The following PRUNE2 variants were observed in gnomAD, a reference collection of about 807,000 sequenced individuals.
PRUNE2 encodes the protein prune homolog 2 with BCH domain.
In PRUNE2, 164 loss-of-function variants were observed where a neutral mutation model predicts 252.0. The observed-to-expected ratio is 0.65, with a 90% CI of 0.57 to 0.74. The LOEUF is 0.74. Ranked by LOEUF, PRUNE2 falls within the 30% of genes least tolerant of loss-of-function variation. PRUNE2 has a pLI of 0.00. For synonymous variants in PRUNE2, 1,292 were observed against 1,350.2 expected (o/e 0.96, Z 0.94); for missense variants, 3,495 against 3,711.0 (o/e 0.94, Z 1.51).
intron 18 of PRUNE2, among the ~76,000 whole-genome samples, chr9:76,618,805 C>T (rs551303429): frequency 1.2e-4 from 19 of 152,292 alleles, no homozygotes; most frequent in East Asian, 1.9e-4. Context: ...TCAGACACTG[C>T]GTGTGAAGCT....
At chr9:76,738,009 T>G (rs2049230642) in intron 6 of PRUNE2, 2 of 152,244 alleles carry the variant, frequency 1.3e-5, no homozygotes, top group Admixed American at 1.3e-4. Flanking sequence ...ACATTTAAAT[T>G]AGGTAGTTTT....
chr9:76,774,450 C>CTTTTT (rs869289049), intron 6 of PRUNE2, among the ~76,000 whole-genome samples: 6 of 41,398 alleles, frequency 1.4e-4, no homozygotes, highest in Non-Finnish European at 1.9e-4. Context: ...CAGTTCAACC[C>CTTTTT]TTTTTTTTTT....
At chr9:76,634,470 T>G (rs949815275) in intron 15 of PRUNE2, among the ~76,000 whole-genome samples, 1 of 141,934 alleles carries the variant, frequency 7.0e-6, no homozygotes, top group African/African-American at 2.5e-5. Flanking sequence ...AAAGACTAGC[T>G]GAGTCTCAGC....
At chr9:76,670,774 A>AC (rs1334672471) in intron 9 of PRUNE2, among the ~76,000 whole-genome samples, 37 of 151,174 alleles carry the variant, frequency 2.4e-4, no homozygotes, top group East Asian at 1.8e-3. Flanking sequence ...ACTGGGAGGC[A>AC]CCCCCCAGCA....
In PRUNE2 at chr9:76,613,223, A is replaced by G. The variant is rs1044026886; in HGVS notation, c.*1347T>C. ...CTCATTTGTCCGTTCTGTTAGAGAA[A>G]CTATCTAAATACAAATTGGGGTGGA... On this transcript the variant is annotated 3_prime_UTR_variant, in exon 19 of 19. Coordinates refer to ENST00000376718, the MANE Select transcript of PRUNE2 (RefSeq NM_015225.3). The G allele has an allele frequency of 2.0e-5, 3 of 152,198 alleles. No homozygotes were observed. The highest frequency in any genetic ancestry group is 7.2e-5 in the African/African-American group (3 of 41,436). The allele number at this position is 152,198 out of a possible 1,614,324, so 9.4% of individuals were successfully genotyped here.
chr9:76,625,076 G>A (rs1461710671), intron 16 of PRUNE2: 13 of 1,300,492 alleles, frequency 1.0e-5, no homozygotes, highest in South Asian at 1.2e-5. Flanking sequence ...GATAAAAAAC[G>A]AGTGCCATAA....
chr9:76,773,953 G>C (rs1249552362), intron 6 of PRUNE2, among the ~76,000 whole-genome samples: 2 of 152,240 alleles, frequency 1.3e-5, no homozygotes, highest in African/African-American at 2.4e-5. Flanking sequence ...GAAGGAGCAA[G>C]TGAAAACTAA....
intron 6 of PRUNE2, among the ~76,000 whole-genome samples, chr9:76,734,416 G>A (rs1456954047): frequency 2.6e-5 from 4 of 152,156 alleles, no homozygotes; most frequent in African/African-American, 9.7e-5. Context: ...TCTCAAATGA[G>A]ACAGACTTCT....
At chr9:76,829,466 C>T (rs780338857) in intron 4 of PRUNE2, among the ~76,000 whole-genome samples, 1 of 152,170 alleles carries the variant, frequency 6.6e-6, no homozygotes, top group Non-Finnish European at 1.5e-5. Context: ...TGGAAAACTA[C>T]AGTCTGGAGA....
intron 13 of PRUNE2, 141 bp from the exon 14 acceptor site, chr9:76,637,690 A>T: frequency 1.5e-6 from 1 of 677,694 alleles, no homozygotes; most frequent in Non-Finnish European, 2.4e-6. Flanking sequence ...GAATACAATT[A>T]CCTAAGAGCA....
chr9:76,897,402 T>A (rs1241789828), intron 1 of PRUNE2, among the ~76,000 whole-genome samples: 3 of 100,032 alleles, frequency 3.0e-5, no homozygotes, highest in African/African-American at 1.1e-4. Flanking sequence ...TTTTTTTTTT[T>A]TTTTTTTTTT....
At chr9:76,863,708 A>T (rs978808802) in intron 1 of PRUNE2, among the ~76,000 whole-genome samples, 1 of 152,234 alleles carries the variant, frequency 6.6e-6, no homozygotes, top group African/African-American at 2.4e-5. Context: ...AAAATGTTGC[A>T]ACAATACACT....
At chr9:76,855,082 A>AATATATATATAT (rs1162386020) in intron 1 of PRUNE2, among the ~76,000 whole-genome samples, 7 of 109,400 alleles carry the variant, frequency 6.4e-5, no homozygotes, top group African/African-American at 1.9e-4. Context: ...AAAAAAAAAA[A>AATATATATATAT]ATATATATAT....
At chr9:76,668,201 C>T (rs2040571473) in intron 9 of PRUNE2, among the ~76,000 whole-genome samples, 1 of 152,124 alleles carries the variant, frequency 6.6e-6, no homozygotes, top group African/African-American at 2.4e-5. Context: ...AGAATACTCA[C>T]AGGTATATAC....
chr9:76,639,676 C>A (rs1841738704), intron 12 of PRUNE2, among the ~76,000 whole-genome samples: 7 of 152,106 alleles, frequency 4.6e-5, no homozygotes, highest in Non-Finnish European at 8.8e-5. Context: ...ATGGGTCTGG[C>A]TAAATTATAT....
chr9:76,734,246 T>A (rs1054709116), intron 6 of PRUNE2, among the ~76,000 whole-genome samples: 10 of 152,172 alleles, frequency 6.6e-5, no homozygotes, highest in African/African-American at 2.4e-4. Flanking sequence ...TGATATTCAA[T>A]GATTTAATAA....
chr9:76,758,673 G>T (rs113830752), intron 6 of PRUNE2: 1,462 of 134,186 alleles, frequency 0.011, 15 homozygotes, highest in Middle Eastern at 0.036. Context: ...ACGGTGTTTG[G>T]AAAGGATGCA....
chr9:76,620,703 A>G (rs1391497062), intron 17 of PRUNE2, among the ~76,000 whole-genome samples: 1 of 152,074 alleles, frequency 6.6e-6, no homozygotes, highest in Non-Finnish European at 1.5e-5. Flanking sequence ...AATATTTGGG[A>G]ATTCCAGTGA....
intron 1 of PRUNE2, among the ~76,000 whole-genome samples, chr9:76,895,978 T>A (rs1158318958): frequency 6.6e-6 from 1 of 152,182 alleles, no homozygotes; most frequent in Non-Finnish European, 1.5e-5. Flanking sequence ...GGTTTCACCA[T>A]GTTGGTCAGG....
Sources: gnomAD v4.1 joint callset for allele counts (sites outside exome capture counted in the v4.1 genomes callset) on GRCh38, gnomAD v4.1.1 for gene constraint, MANE v1.5 for transcripts, NCBI Gene and HGNC (gene_info 2026-07-23, HGNC 2026-07-21) for gene names.